The following AKR1C4 variants were observed in gnomAD, a reference collection of about 807,000 sequenced individuals.
AKR1C4 encodes 3-alpha-HSD1.
A neutral mutation model predicts 41.0 loss-of-function variants in AKR1C4; 44 were observed. The ratio of observed to expected loss-of-function variants is 1.07; its 90% CI spans 0.84 to 1.38. The LOEUF is 1.38. Among genes scored for constraint, AKR1C4 ranks in the 40% most tolerant of loss-of-function variants. The pLI is 0.00. For synonymous variants in AKR1C4, 165 were observed against 137.7 expected, an observed-to-expected ratio of 1.20 and a Z score of -1.39; for missense variants, 438 against 387.9, an observed-to-expected ratio of 1.13 and a Z score of -1.09.
At chr10:5,207,925 A>T (rs1832514214) in intron 5 of AKR1C4, among the ~76,000 whole-genome samples, 1 of 151,804 alleles carries the variant, frequency 6.6e-6, no homozygotes, top group African/African-American at 2.4e-5. Context: ...TAAATGCAGT[A>T]ATGCTTGAAA....
At chr10:5,201,388 G>T (rs1183971443) in intron 2 of AKR1C4, among the ~76,000 whole-genome samples, 1 of 151,966 alleles carries the variant, frequency 6.6e-6, no homozygotes, top group Non-Finnish European at 1.5e-5. Context: ...ATGTTCGTTG[G>T]CTGTTTGTAT....
chr10:5,216,103 C>T (rs991757030), intron 7 of AKR1C4, among the ~76,000 whole-genome samples: 2 of 152,144 alleles, frequency 1.3e-5, no homozygotes, highest in Non-Finnish European at 2.9e-5. Flanking sequence ...GAAGCATTTA[C>T]TCGTGGTAGA....
At chr10:5,199,386 C>G (rs1283657563) in intron 1 of AKR1C4, among the ~76,000 whole-genome samples, 2 of 152,044 alleles carry the variant, frequency 1.3e-5, no homozygotes, top group Non-Finnish European at 2.9e-5. Flanking sequence ...CTGGCTACGG[C>G]TCCACCGCCT....
intron 5 of AKR1C4, among the ~76,000 whole-genome samples, chr10:5,211,741 A>G (rs1227003306): frequency 6.6e-6 from 1 of 152,154 alleles, no homozygotes; most frequent in East Asian, 1.9e-4. Context: ...ACTCTACCAT[A>G]TTAGTCCATT....
intron 4 of AKR1C4, 127 bp downstream of exon 4, chr10:5,205,961 G>A: frequency 9.6e-7 from 1 of 1,044,008 alleles, no homozygotes; most frequent in Non-Finnish European, 1.4e-6. Context: ...GACAAAGGAA[G>A]TTTTGCTGAG....
At chr10:5,218,625 C>T in intron 8 of AKR1C4, 93 bp from the exon 9 acceptor site, 1 of 938,420 alleles carries the variant, frequency 1.1e-6, no homozygotes, top group Non-Finnish European at 1.7e-6. Flanking sequence ...TTAACATTCA[C>T]ACTAATGGCA....
At chr10:5,203,576 TAC>T (rs1232681327) in intron 2 of AKR1C4, among the ~76,000 whole-genome samples, 5 of 152,244 alleles carry the variant, frequency 3.3e-5, no homozygotes, top group Admixed American at 1.3e-4. Flanking sequence ...TCTGGGCACT[TAC>T]AGTTTTTCAT....
intron 2 of AKR1C4, among the ~76,000 whole-genome samples, chr10:5,202,698 T>C (rs550646858): frequency 1.3e-5 from 2 of 152,204 alleles, no homozygotes; most frequent in Non-Finnish European, 2.9e-5. Flanking sequence ...AAATGGATGT[T>C]GGATTTTATT....
Sources: gnomAD v4.1 joint callset for allele counts (sites outside exome capture counted in the v4.1 genomes callset) on GRCh38, gnomAD v4.1.1 for gene constraint, MANE v1.5 for transcripts, NCBI Gene and HGNC (gene_info 2026-07-23, HGNC 2026-07-21) for gene names.